The following FANCB variants were observed in gnomAD, a reference collection of about 807,000 sequenced individuals.
The protein encoded by FANCB is Fanconi anemia group B protein.
Under a neutral mutation model 38.9 loss-of-function variants are expected in FANCB, and 5 were observed. The observed-to-expected ratio is 0.13, with a 90% CI of 0.07 to 0.27. The LOEUF is 0.27. FANCB is among the 10% of genes least tolerant of loss of function. FANCB has a pLI of 1.00. For missense variants in FANCB, 573 were observed against 602.7 expected, an observed-to-expected ratio of 0.95 and a Z score of 0.52; for synonymous variants, 236 against 215.4, an observed-to-expected ratio of 1.10 and a Z score of -0.84.
At chrX:14,728,140 G>C in the FANCB span, among the ~76,000 whole-genome samples, 1 of 111,528 alleles carries the variant, frequency 9.0e-6, no homozygotes, top group Non-Finnish European at 1.9e-5. Context: ...TCTGATTAAA[G>C]GTTACAACTA....
chrX:14,692,186 T>C, the FANCB span, among the ~76,000 whole-genome samples: 4 of 112,205 alleles, frequency 3.6e-5, no homozygotes, highest in African/African-American at 1.3e-4. Context: ...CTCAGGAACA[T>C]TTTGTCCTGC....
chrX:14,709,651 C>G, the FANCB span, among the ~76,000 whole-genome samples: 1 of 112,200 alleles, frequency 8.9e-6, no homozygotes, highest in African/African-American at 3.2e-5. Context: ...CAGAGATGAT[C>G]TGCAAAGCTA....
At chrX:14,828,373 A>T in the FANCB span, among the ~76,000 whole-genome samples, 1 of 112,450 alleles carries the variant, frequency 8.9e-6, no homozygotes, top group Non-Finnish European at 1.9e-5. Flanking sequence ...TTCTTTCAAA[A>T]TTGGAGTCAA....
At chrX:14,759,646 C>T in the FANCB span, among the ~76,000 whole-genome samples, 3 of 110,951 alleles carry the variant, frequency 2.7e-5, no homozygotes, top group African/African-American at 9.8e-5. Context: ...AGGAAAGATA[C>T]AGTCTTTAAT....
chrX:14,784,207 GT>G, the FANCB span, among the ~76,000 whole-genome samples: 1 of 112,422 alleles, frequency 8.9e-6, no homozygotes, highest in Non-Finnish European at 1.9e-5. Flanking sequence ...GCGAAACTCA[GT>G]CTCAAAAAAG....
the FANCB span, among the ~76,000 whole-genome samples, chrX:14,798,698 C>T: frequency 6.2e-5 from 7 of 112,040 alleles, no homozygotes; most frequent in African/African-American, 2.3e-4. Flanking sequence ...CTTGATAATT[C>T]ATGACAGAAC....
the FANCB span, among the ~76,000 whole-genome samples, chrX:14,761,205 G>A: frequency 1.8e-5 from 2 of 111,115 alleles, no homozygotes; most frequent in Non-Finnish European, 3.8e-5. Context: ...ATCTTACCAT[G>A]TTGCCCAGGC....
intron 5 of FANCB, among the ~76,000 whole-genome samples, chrX:14,854,836 G>A (rs963857134): frequency 8.9e-6 from 1 of 111,879 alleles, no homozygotes; most frequent in Non-Finnish European, 1.9e-5. Context: ...CTCCCCTGGA[G>A]TCAATACTAC....
At chrX:14,697,152 C>A in the FANCB span, among the ~76,000 whole-genome samples, 27 of 111,172 alleles carry the variant, frequency 2.4e-4, no homozygotes, top group South Asian at 1.9e-3. Context: ...GCCAGGTACT[C>A]TTCTAGATAC....
At chrX:14,865,928 A>G (rs1204245092) in intron 2 of FANCB, among the ~76,000 whole-genome samples, 4 of 111,832 alleles carry the variant, frequency 3.6e-5, no homozygotes, top group South Asian at 3.7e-4. Context: ...TTCAAACCTA[A>G]CAACTCTAAT....
intron 3 of FANCB, among the ~76,000 whole-genome samples, chrX:14,861,265 T>A (rs2092445685): frequency 8.9e-6 from 1 of 111,883 alleles, no homozygotes; most frequent in Non-Finnish European, 1.9e-5. Context: ...AGAGAAAGCC[T>A]AAGAAGAAAA....
chrX:14,761,682 A>G, the FANCB span, among the ~76,000 whole-genome samples: 3 of 111,533 alleles, frequency 2.7e-5, no homozygotes, highest in South Asian at 7.6e-4. Context: ...TATGATTGCG[A>G]TATCTGGGCA....
chrX:14,848,789 C>T lies in FANCB; in HGVS notation c.1496+1716G>A, dbSNP rs182669332. Among the ~76,000 whole-genome samples, 5 of 111,416 alleles carry T rather than the reference C, an allele frequency of 4.5e-5. No individual in the cohort carries two copies. In the East Asian group the frequency reaches 1.4e-3, roughly 31 times the overall value. On this transcript the variant is annotated intron_variant, in intron 7 of 9. Transcript: ENST00000650831. ...AATTACTTCATCCCCACGTGACCAT[C>T]TCACCTCATAATCAAACGACCCTAA...
chrX:14,819,850 G>A, the FANCB span, among the ~76,000 whole-genome samples: 8 of 111,037 alleles, frequency 7.2e-5, no homozygotes, highest in South Asian at 3.8e-4. Context: ...TCTTTTACCC[G>A]GATTGTTGCA....
chrX:14,853,705 G>A (rs2092411618), intron 5 of FANCB, among the ~76,000 whole-genome samples: 1 of 111,404 alleles, frequency 9.0e-6, no homozygotes, highest in Non-Finnish European at 1.9e-5. Context: ...GTTTATTTTT[G>A]TGCTAATAAA....
the FANCB span, among the ~76,000 whole-genome samples, chrX:14,829,473 C>G: frequency 9.0e-6 from 1 of 111,465 alleles, no homozygotes; most frequent in East Asian, 2.8e-4. Flanking sequence ...TAGCTATGAA[C>G]ATCCTAGATA....
At chrX:14,842,054 T>C (rs1351053609), downstream of FANCB, among the ~76,000 whole-genome samples, 3 of 112,081 alleles carry the variant, frequency 2.7e-5, no homozygotes, top group Non-Finnish European at 5.6e-5. Flanking sequence ...ATTTTATATT[T>C]GGTTGTTCTT....
At chrX:14,793,723 A>T in the FANCB span, among the ~76,000 whole-genome samples, 3 of 112,271 alleles carry the variant, frequency 2.7e-5, no homozygotes, top group South Asian at 1.1e-3. Flanking sequence ...TCCCATCTTG[A>T]GTTGAACACA....
downstream of FANCB, among the ~76,000 whole-genome samples, chrX:14,831,084 G>T (rs2092326477): frequency 8.9e-6 from 1 of 112,122 alleles, no homozygotes; most frequent in African/African-American, 3.2e-5. Context: ...ACCACTGACT[G>T]CAGAATGAAG....
Sources: gnomAD v4.1 joint callset for allele counts (sites outside exome capture counted in the v4.1 genomes callset) on GRCh38, gnomAD v4.1.1 for gene constraint, MANE v1.5 for transcripts, NCBI Gene and HGNC (gene_info 2026-07-23, HGNC 2026-07-21) for gene names.